TENM4: variants seen among roughly 807,000 people sequenced by gnomAD.
The protein encoded by TENM4 is teneurin-4.
Under a neutral mutation model 243.3 loss-of-function variants are expected in TENM4, and 82 were observed. The observed-to-expected ratio is 0.34, with a 90% CI of 0.28 to 0.40. The LOEUF (loss-of-function observed/expected upper bound fraction) is 0.40, where lower values mean the gene tolerates loss of function less well. Among genes scored for constraint, TENM4 ranks in the 10% least tolerant of loss-of-function variants. The probability of loss-of-function intolerance (pLI) is 1.00; values close to 1 mark genes in which losing one functional copy is unlikely to be tolerated. For missense variants in TENM4, 3,138 were observed against 3,673.3 expected (o/e 0.85, Z 3.77); for synonymous variants, 1,412 against 1,456.3 (o/e 0.97, Z 0.69).
chr11:79,401,142 A>G (rs1015881806), intron 1 of TENM4, among the ~76,000 whole-genome samples: 1 of 152,228 alleles, frequency 6.6e-6, no homozygotes, highest in African/African-American at 2.4e-5. Flanking sequence ...GAGGTATAAC[A>G]TTTGAGAATT....
intron 12 of TENM4, among the ~76,000 whole-genome samples, chr11:78,853,867 A>G (rs1858606684): frequency 6.6e-6 from 1 of 152,200 alleles, no homozygotes; most frequent in Admixed American, 6.5e-5. Flanking sequence ...AATGCACTGC[A>G]CACCAACCAC....
chr11:79,314,606 T>C (rs953743272), intron 1 of TENM4, among the ~76,000 whole-genome samples: 2 of 152,180 alleles, frequency 1.3e-5, no homozygotes, highest in Non-Finnish European at 2.9e-5. Context: ...CGGCATACAA[T>C]AGGTGCCAGA....
intron 1 of TENM4, among the ~76,000 whole-genome samples, chr11:79,353,717 C>G (rs1169142357): frequency 6.7e-6 from 1 of 149,722 alleles, no homozygotes; most frequent in Admixed American, 6.6e-5. Flanking sequence ...TCATGATCAA[C>G]CAGCCAGAGA....
intron 4 of TENM4, among the ~76,000 whole-genome samples, chr11:79,128,581 A>T (rs914625168): frequency 2.0e-5 from 3 of 152,188 alleles, no homozygotes; most frequent in African/African-American, 7.2e-5. Flanking sequence ...TTGACAGAAG[A>T]AGAGAAGACT....
intron 27 of TENM4, among the ~76,000 whole-genome samples, chr11:78,706,781 A>G (rs1418362140): frequency 6.6e-6 from 1 of 152,096 alleles, no homozygotes; most frequent in Non-Finnish European, 1.5e-5. Flanking sequence ...TGGCTGGTTG[A>G]GGGCCCATTT....
intron 6 of TENM4, among the ~76,000 whole-genome samples, chr11:78,971,248 C>A (rs1352558021): frequency 6.6e-6 from 1 of 152,024 alleles, no homozygotes; most frequent in Non-Finnish European, 1.5e-5. Flanking sequence ...GTGAAAATAT[C>A]TGGCATCTAG....
chr11:79,325,976 A>G (rs1856968804), intron 1 of TENM4, among the ~76,000 whole-genome samples: 1 of 152,242 alleles, frequency 6.6e-6, no homozygotes, highest in Non-Finnish European at 1.5e-5. Flanking sequence ...CTCATTAAAC[A>G]TGAGCCTGCT....
At chr11:79,416,678 C>T (rs1338281037) in intron 1 of TENM4, among the ~76,000 whole-genome samples, 2 of 152,072 alleles carry the variant, frequency 1.3e-5, no homozygotes, top group African/African-American at 4.8e-5. Context: ...TCCGGGTTTC[C>T]AGATGGGGAA....
chr11:78,994,612 C>T (rs1858126649), intron 6 of TENM4, among the ~76,000 whole-genome samples: 1 of 152,192 alleles, frequency 6.6e-6, no homozygotes, highest in Non-Finnish European at 1.5e-5. Flanking sequence ...TTCATTTTTA[C>T]AATCGCTTAC....
chr11:79,394,837 A>G (rs189844629), intron 1 of TENM4, among the ~76,000 whole-genome samples: 390 of 152,290 alleles, frequency 2.6e-3, no homozygotes, highest in Non-Finnish European at 4.8e-3. Flanking sequence ...ACATGAAGAT[A>G]TAGAGAGAAG....
At chr11:79,313,771 A>T (rs955706447) in intron 1 of TENM4, among the ~76,000 whole-genome samples, 1 of 152,164 alleles carries the variant, frequency 6.6e-6, no homozygotes, top group Admixed American at 6.5e-5. Context: ...CTCCGCAAGC[A>T]GGCAGAGTAA....
intron 8 of TENM4, among the ~76,000 whole-genome samples, 195 bp downstream of exon 8, chr11:78,891,043 A>C (rs368455430): frequency 6.6e-6 from 1 of 152,220 alleles, no homozygotes; most frequent in African/African-American, 2.4e-5. Flanking sequence ...CATATTAACA[A>C]GACTGCTGTT....
chr11:79,164,957 A>ATATG (rs1555020448), intron 3 of TENM4, among the ~76,000 whole-genome samples: 13,805 of 139,630 alleles, frequency 0.099, 745 homozygotes, highest in Non-Finnish European at 0.13. Flanking sequence ...CTATATATAT[A>ATATG]TGTGTGTGTG....
chr11:79,065,232 A>G (rs1860214334), intron 5 of TENM4, among the ~76,000 whole-genome samples: 1 of 152,022 alleles, frequency 6.6e-6, no homozygotes, highest in South Asian at 2.1e-4. Context: ...CCTCAACTCA[A>G]ATGGCACCTG....
intron 7 of TENM4, among the ~76,000 whole-genome samples, chr11:78,896,951 C>T (rs1330142723): frequency 6.6e-6 from 1 of 152,112 alleles, no homozygotes; most frequent in African/African-American, 2.4e-5. Context: ...TTTGCAATGC[C>T]TTCTTATAAC....
In TENM4 at chr11:79,162,036, C is replaced by G. The variant is rs116566886; in HGVS notation, c.-162-13230G>C. Among the ~76,000 whole-genome samples, 544 of 152,276 alleles carry G rather than the reference C, an allele frequency of 3.6e-3. 2 individuals are homozygous for G. Among genetic ancestry groups the G allele is most frequent in the Middle Eastern group, 0.017 (5 of 292 alleles). On this transcript the variant is annotated intron_variant, in intron 3 of 33. Transcript: ENST00000278550. ...ACCGGACCTGCCTCACCCAGTACCC[C>G]CTGTATGGCCTATGAAGTGGCCTAT...
chr11:79,284,485 A>C (rs1041013715), intron 2 of TENM4, among the ~76,000 whole-genome samples: 11 of 152,242 alleles, frequency 7.2e-5, no homozygotes, highest in Admixed American at 5.9e-4. Context: ...TGCCAAGATA[A>C]CTGAATATCC....
At chr11:79,418,059 T>C (rs554778600) in intron 1 of TENM4, among the ~76,000 whole-genome samples, 90 of 152,320 alleles carry the variant, frequency 5.9e-4, no homozygotes, top group South Asian at 5.0e-3. Context: ...GTCTGTCTCC[T>C]CGCACTAGAC....
At chr11:78,993,847 T>A (rs1161287648) in intron 6 of TENM4, among the ~76,000 whole-genome samples, 4 of 152,242 alleles carry the variant, frequency 2.6e-5, no homozygotes, top group Non-Finnish European at 4.4e-5. Flanking sequence ...GTAATCTATG[T>A]TTCTACTGAG....
Sources: allele counts gnomAD v4.1 joint callset (sites outside exome capture counted in the v4.1 genomes callset), GRCh38; gene constraint gnomAD v4.1.1; transcripts MANE v1.5; gene names NCBI Gene and HGNC (gene_info 2026-07-23, HGNC 2026-07-21).